The following TIAM2 variants were observed in gnomAD, a reference collection of about 807,000 sequenced individuals.
TIAM2 encodes TIAM Rac1 associated GEF 2, also known as rho guanine nucleotide exchange factor TIAM2.
Under a neutral mutation model 152.9 loss-of-function variants are expected in TIAM2, and 80 were observed. The ratio of observed to expected loss-of-function variants is 0.52; its 90% CI spans 0.44 to 0.63. TIAM2 has a LOEUF of 0.63. Ranked by LOEUF, TIAM2 falls within the 30% of genes least tolerant of loss-of-function variation. TIAM2 has a pLI of 0.00. For missense variants in TIAM2, 1,965 were observed against 2,120.1 expected, an observed-to-expected ratio of 0.93 and a Z score of 1.44; for synonymous variants, 804 against 838.0, an observed-to-expected ratio of 0.96 and a Z score of 0.70.
intron 15 of TIAM2, among the ~76,000 whole-genome samples, chr6:155,223,891 C>G (rs1315100881): frequency 6.6e-6 from 1 of 152,118 alleles, no homozygotes. Flanking sequence ...TTGTCGTTCG[C>G]CCTTTTTCTT....
intron 14 of TIAM2, among the ~76,000 whole-genome samples, chr6:155,196,219 C>T (rs1010996604): frequency 8.5e-5 from 13 of 152,234 alleles, no homozygotes; most frequent in East Asian, 3.9e-4. Flanking sequence ...AGGTGACCCC[C>T]AGGTTTTGGC....
At chr6:155,206,471 G>A (rs779297424) in intron 14 of TIAM2, among the ~76,000 whole-genome samples, 2 of 152,066 alleles carry the variant, frequency 1.3e-5, no homozygotes, top group Admixed American at 6.6e-5. Flanking sequence ...TCCTGACCTC[G>A]TGATCTGCCC....
intron 7 of TIAM2, among the ~76,000 whole-genome samples, chr6:155,163,830 G>C (rs1780336861): frequency 6.6e-6 from 1 of 152,196 alleles, no homozygotes; most frequent in Non-Finnish European, 1.5e-5. Context: ...AGTCAGGATG[G>C]TTTAGAGTGT....
At chr6:155,228,295 A>G (rs1292955857) in intron 15 of TIAM2, among the ~76,000 whole-genome samples, 1 of 152,230 alleles carries the variant, frequency 6.6e-6, no homozygotes, top group Non-Finnish European at 1.5e-5. Flanking sequence ...TCAGAGCTCT[A>G]GTCTGTCAAG....
At chr6:155,028,210 G>A (rs867207700) in intron 1 of TIAM2, among the ~76,000 whole-genome samples, 9 of 114,128 alleles carry the variant, frequency 7.9e-5, no homozygotes, top group African/African-American at 2.0e-4. Context: ...TATAATATAT[G>A]TACTGTGTTA....
intron 14 of TIAM2, among the ~76,000 whole-genome samples, chr6:155,208,673 C>T (rs1781647374): frequency 6.6e-6 from 1 of 152,194 alleles, no homozygotes; most frequent in African/African-American, 2.4e-5. Context: ...CTCGATGCCT[C>T]TCTTTTCTGT....
chr6:155,132,196 A>G (rs1396099408), intron 4 of TIAM2, among the ~76,000 whole-genome samples: 2 of 148,486 alleles, frequency 1.3e-5, no homozygotes, highest in African/African-American at 2.5e-5. Flanking sequence ...ATTACTCTGT[A>G]TAAGTCATGG....
intron 1 of TIAM2, chr6:155,013,940 A>ACACT (rs1323115586): frequency 6.6e-6 from 1 of 152,064 alleles, no homozygotes; most frequent in Non-Finnish European, 1.5e-5. Context: ...ACACACACAC[A>ACACT]CACACACACA....
intron 15 of TIAM2, chr6:155,217,019 G>A (rs1334548735): frequency 1.6e-6 from 2 of 1,282,304 alleles, no homozygotes; most frequent in Non-Finnish European, 2.0e-6. Flanking sequence ...TCTCCCAACA[G>A]CCGACTTAGA....
chr6:155,206,114 A>G (rs1489721959), intron 14 of TIAM2, among the ~76,000 whole-genome samples: 3 of 152,206 alleles, frequency 2.0e-5, no homozygotes, highest in African/African-American at 4.8e-5. Flanking sequence ...AGGAAGCTGA[A>G]TGACCAGGTG....
intron 1 of TIAM2, among the ~76,000 whole-genome samples, chr6:155,008,971 A>G (rs2114845422): frequency 6.6e-6 from 1 of 152,212 alleles, no homozygotes; most frequent in South Asian, 2.1e-4. Context: ...GCATAATGGA[A>G]AGCACATTAG....
At chr6:155,202,396 A>T (rs1271356470) in intron 14 of TIAM2, among the ~76,000 whole-genome samples, 6 of 152,166 alleles carry the variant, frequency 3.9e-5, no homozygotes, top group Non-Finnish European at 7.3e-5. Context: ...ATTGCTATAC[A>T]AAGTTTACAA....
chr6:155,169,207 C>T (rs183109243), intron 9 of TIAM2, among the ~76,000 whole-genome samples: 14 of 152,238 alleles, frequency 9.2e-5, no homozygotes, highest in African/African-American at 2.4e-4. Context: ...GTGTTAGCCA[C>T]GATGGTCTCG....
At position 155,131,614 on chromosome 6, in the gene TIAM2, C is replaced by A. The variant is rs927970957; in HGVS notation, c.1194+1197C>A. Among the ~76,000 whole-genome samples the A allele has an allele frequency of 2.0e-5, 3 of 150,088 alleles. No homozygotes were observed. In the East Asian group the frequency reaches 5.9e-4, roughly 29 times the overall value. ...CTTTTTTTTGAGACAGAGTATCGCTCCGTTGTACAGGCTGGAGTACAGTGG... is the reference window on the plus strand; with the variant it reads ...CTTTTTTTTGAGACAGAGTATCGCTACGTTGTACAGGCTGGAGTACAGTGG... On this transcript the variant is annotated intron_variant, in intron 4 of 26. Transcript: ENST00000682666.
intron 5 of TIAM2, among the ~76,000 whole-genome samples, chr6:155,143,606 C>A (rs910338516): frequency 6.6e-6 from 1 of 152,018 alleles, no homozygotes; most frequent in African/African-American, 2.4e-5. Flanking sequence ...TGGCAAAGTC[C>A]CCTAGGTATG....
intron 1 of TIAM2, among the ~76,000 whole-genome samples, chr6:155,045,685 C>G (rs1197708590): frequency 6.6e-6 from 1 of 152,064 alleles, no homozygotes; most frequent in Non-Finnish European, 1.5e-5. Context: ...GAGTAGCAGG[C>G]AGGCCCTCCT....
intron 2 of TIAM2, among the ~76,000 whole-genome samples, chr6:155,100,786 TC>T (rs1778534319): frequency 1.3e-5 from 2 of 152,240 alleles, no homozygotes; most frequent in African/African-American, 4.8e-5. Flanking sequence ...GACAAAATTA[TC>T]CCCATTTTAC....
At chr6:155,185,289 G>T (rs543769537) in intron 14 of TIAM2, among the ~76,000 whole-genome samples, 1 of 151,724 alleles carries the variant, frequency 6.6e-6, no homozygotes, top group East Asian at 1.9e-4. Context: ...ACCACGCCTG[G>T]CTAATTTCTG....
intron 1 of TIAM2, among the ~76,000 whole-genome samples, chr6:155,065,108 C>A (rs533737994): frequency 3.9e-5 from 6 of 152,206 alleles, no homozygotes; most frequent in African/African-American, 1.4e-4. Context: ...CACCCGACAC[C>A]ACGCCCGGCT....
Sources: gnomAD v4.1 joint callset for allele counts (sites outside exome capture counted in the v4.1 genomes callset) on GRCh38, gnomAD v4.1.1 for gene constraint, MANE v1.5 for transcripts, NCBI Gene and HGNC (gene_info 2026-07-23, HGNC 2026-07-21) for gene names.